FOXK2: variants seen among roughly 807,000 people sequenced by gnomAD.
The protein encoded by FOXK2 is forkhead box protein K2.
FOXK2 carries 24 observed loss-of-function variants against 53.3 expected under a neutral mutation model. The observed-to-expected ratio is 0.45, with a 90% CI of 0.33 to 0.63. FOXK2 has a LOEUF of 0.63. FOXK2 is among the 30% of genes least tolerant of loss of function. The pLI is 0.03. For missense variants in FOXK2, 952 were observed against 910.5 expected (o/e 1.05, Z -0.59); for synonymous variants, 505 against 407.1 (o/e 1.24, Z -2.89).
intron 7 of FOXK2, among the ~76,000 whole-genome samples, chr17:82,586,607 T>G (rs2045173381): frequency 6.6e-6 from 1 of 151,860 alleles, no homozygotes; most frequent in Non-Finnish European, 1.5e-5. Context: ...GTCCATAAGA[T>G]TTGCTCATCC....
chr17:82,562,523 T>C (rs2044807788), intron 1 of FOXK2, among the ~76,000 whole-genome samples: 1 of 151,456 alleles, frequency 6.6e-6, no homozygotes, highest in Admixed American at 6.6e-5. Context: ...GAGGTTGCAA[T>C]GAGCAGAGAT....
At position 82,586,293 on chromosome 17, in the gene FOXK2, TCAAAGGTGGGCC is replaced by T. The variant is rs2045152798; in HGVS notation, c.1576+94_1576+105del. 3.1e-5 allele frequency: 8 copies of T among 259,500 alleles called. 1 individual carries two copies. Among genetic ancestry groups the T allele is most frequent in the East Asian group, 2.0e-4 (3 of 15,056 alleles). 16.1% of individuals were successfully genotyped at this position (259,500 alleles called of 1,614,324 possible). A position where few individuals can be genotyped will look rare whatever the true frequency, so the allele number is the denominator to read the frequency against. On this transcript the variant is annotated intron_variant, in intron 7 of 8. Transcript: ENST00000335255. ...GAGGAGAGGGGAGACCACAGGGAGG[TCAAAGGTGGGCC>T]GGGGGGGAAAGGAGGAGAGGGGAGA...
At chr17:82,534,768 A>G (rs1356367945) in intron 1 of FOXK2, among the ~76,000 whole-genome samples, 1 of 152,236 alleles carries the variant, frequency 6.6e-6, no homozygotes, top group East Asian at 1.9e-4. Context: ...ACATGTCCCC[A>G]GAAGTAATAT....
At chr17:82,562,783 G>A (rs896915454) in intron 1 of FOXK2, among the ~76,000 whole-genome samples, 1 of 151,526 alleles carries the variant, frequency 6.6e-6, no homozygotes. Flanking sequence ...AAACTAAGTA[G>A]TATTTGAGTC....
At chr17:82,574,141 C>G (rs2044954431) in intron 4 of FOXK2, among the ~76,000 whole-genome samples, 1 of 152,226 alleles carries the variant, frequency 6.6e-6, no homozygotes, top group African/African-American at 2.4e-5. Flanking sequence ...TGCTATTAAA[C>G]TTGTTTCTGT....
At chr17:82,573,065 C>G (rs1340632413) in intron 4 of FOXK2, among the ~76,000 whole-genome samples, 2 of 152,010 alleles carry the variant, frequency 1.3e-5, no homozygotes, top group Admixed American at 1.3e-4. Context: ...TGGTGGCTTA[C>G]GCTTGTAGTC....
chr17:82,586,376 A>G (rs984446642), intron 7 of FOXK2, among the ~76,000 whole-genome samples, 176 bp downstream of exon 7: 18 of 110,160 alleles, frequency 1.6e-4, no homozygotes, highest in South Asian at 6.4e-4. Context: ...AGGAGAGGGG[A>G]GACCACAGGG....
intron 1 of FOXK2, among the ~76,000 whole-genome samples, chr17:82,555,348 C>T (rs2044713186): frequency 1.3e-5 from 2 of 152,150 alleles, no homozygotes; most frequent in Non-Finnish European, 2.9e-5. Context: ...TGGTTTCGCC[C>T]CCACCTCCGT....
At chr17:82,586,411 A>G in intron 7 of FOXK2, among the ~76,000 whole-genome samples, 1 of 111,372 alleles carries the variant, frequency 9.0e-6, no homozygotes, top group East Asian at 3.2e-4. Context: ...CGGGGGGGAA[A>G]GGAGGAGAGG....
chr17:82,533,507 T>C (rs1363846240), intron 1 of FOXK2, among the ~76,000 whole-genome samples: 1 of 151,288 alleles, frequency 6.6e-6, no homozygotes, highest in Admixed American at 6.6e-5. Context: ...AAAAGTATAG[T>C]GCAGTGAATA....
rs549390420 is a variant in FOXK2 at position 82,522,573 on chromosome 17, A to G, written c.419+2266A>G. ...TTTTTAGTAGAGACGGGGTTTCACC[A>G]TGCTAGCCAGGATGGTCTCGATCTC... On this transcript the variant is annotated intron_variant, in intron 1 of 8. Transcript: ENST00000335255. 2.6e-5 allele frequency among the ~76,000 whole-genome samples: 4 copies of G among 151,474 alleles called. No homozygotes were observed. In the South Asian group the frequency reaches 6.3e-4, roughly 24 times the overall value.
At position 82,584,103 on chromosome 17, in the gene FOXK2, G is replaced by T. The variant is rs144073500; in HGVS notation, c.1194G>T (p.Ser398=). ...QTPESLSREG[S]PAPLEPEPGA... ...CTGAGAGCCTGTCGAGGGAAGGTTC[G>T]CCGGCCCCCCTGGAGCCTGAGCCTG... Residue 398 remains serine, a synonymous_variant, in exon 6 of 9, where the codon TCG becomes TCT. Coordinates refer to ENST00000335255, the MANE Select transcript of FOXK2 (RefSeq NM_004514.4). 3.0e-5 allele frequency: 48 copies of T among 1,611,216 alleles called. No individual in the cohort carries two copies. Among genetic ancestry groups the T allele is most frequent in the Non-Finnish European group, 4.1e-5 (48 of 1,179,876 alleles).
chr17:82,535,830 C>G (rs1206916642), intron 1 of FOXK2, among the ~76,000 whole-genome samples: 2 of 151,236 alleles, frequency 1.3e-5, no homozygotes, highest in South Asian at 4.2e-4. Flanking sequence ...TCACTGAAAC[C>G]TCTTCTGGTT....
At chr17:82,570,499 A>C (rs1679877372) in intron 3 of FOXK2, among the ~76,000 whole-genome samples, 1 of 152,150 alleles carries the variant, frequency 6.6e-6, no homozygotes, top group African/African-American at 2.4e-5. Flanking sequence ...TCCCCAGAAA[A>C]GAAAAGACAA....
chr17:82,529,431 C>A (rs1369244265), intron 1 of FOXK2, among the ~76,000 whole-genome samples: 1 of 150,662 alleles, frequency 6.6e-6, no homozygotes, highest in Non-Finnish European at 1.5e-5. Flanking sequence ...GCTCTGTCGT[C>A]CAGGCTGGAA....
chr17:82,552,559 T>G (rs956367704), intron 1 of FOXK2, among the ~76,000 whole-genome samples: 3 of 152,134 alleles, frequency 2.0e-5, no homozygotes, highest in Non-Finnish European at 4.4e-5. Flanking sequence ...TTCTGTGACA[T>G]TGATATTTTT....
intron 4 of FOXK2, among the ~76,000 whole-genome samples, chr17:82,580,383 A>T (rs1417209261): frequency 2.2e-5 from 1 of 46,296 alleles, no homozygotes. Context: ...TCACCCATGA[A>T]GTAGCTCCAT....
chr17:82,595,041 A>G (rs1360527396), intron 8 of FOXK2, among the ~76,000 whole-genome samples: 1 of 152,208 alleles, frequency 6.6e-6, no homozygotes, highest in Non-Finnish European at 1.5e-5. Flanking sequence ...CCCTCTCCAC[A>G]TAGTAAGTAA....
chr17:82,582,761 C>G lies in FOXK2; in HGVS notation c.930C>G (p.Leu310=), dbSNP rs762077219. Residue 310 remains leucine, a synonymous_variant, in exon 5 of 9, where the codon CTC becomes CTG. Transcript: ENST00000335255. ...CATAGAATTCAATTCGCCACAATCTCTCTCTGAATCGTTATTTCATCAAAG... is the reference window on the plus strand; with the variant it reads ...CATAGAATTCAATTCGCCACAATCTGTCTCTGAATCGTTATTTCATCAAAG... The part of the protein sequence containing the change: ...KGWQNSIRHN[L]SLNRYFIKVP... 5.6e-6 allele frequency: 9 copies of G among 1,595,326 alleles called. No individual in the cohort carries two copies. In the African/African-American group the frequency reaches 9.5e-5, roughly 17 times the overall value.
Sources: allele counts gnomAD v4.1 joint callset (sites outside exome capture counted in the v4.1 genomes callset), GRCh38; gene constraint gnomAD v4.1.1; transcripts MANE v1.5; gene names NCBI Gene and HGNC (gene_info 2026-07-23, HGNC 2026-07-21).